EPHA6: variants seen among roughly 807,000 people sequenced by gnomAD.
EPHA6 encodes ephrin type-A receptor 6.
EPHA6 carries 50 observed loss-of-function variants against 112.0 expected under a neutral mutation model. The ratio of observed to expected loss-of-function variants is 0.45; its 90% CI spans 0.36 to 0.56. The LOEUF is 0.56. Among genes scored for constraint, EPHA6 ranks in the 20% least tolerant of loss-of-function variants. The probability of loss-of-function intolerance (pLI) is 0.00; values close to 1 mark genes in which losing one functional copy is unlikely to be tolerated. For synonymous variants in EPHA6, 529 were observed against 490.7 expected (o/e 1.08, Z -1.03); for missense variants, 1,280 against 1,417.4 (o/e 0.90, Z 1.56).
At chr3:96,932,303 TG>T (rs1476298779) in intron 2 of EPHA6, among the ~76,000 whole-genome samples, 2 of 152,220 alleles carry the variant, frequency 1.3e-5, no homozygotes, top group Non-Finnish European at 2.9e-5. Context: ...TTGGCCATCT[TG>T]GCCCCTCCAT....
intron 3 of EPHA6, among the ~76,000 whole-genome samples, chr3:97,018,590 T>C (rs576468722): frequency 5.8e-4 from 88 of 152,308 alleles, no homozygotes; most frequent in African/African-American, 2.1e-3. Flanking sequence ...CTTACACCAT[T>C]ATTAGAGACT....
intron 3 of EPHA6, among the ~76,000 whole-genome samples, chr3:97,065,337 A>AT (rs2046144716): frequency 6.6e-6 from 1 of 152,178 alleles, no homozygotes; most frequent in Admixed American, 6.5e-5. Flanking sequence ...AGTAGAGTCC[A>AT]TGAAATATGC....
intron 1 of EPHA6, among the ~76,000 whole-genome samples, chr3:96,859,410 C>T (rs1407995959): frequency 7.0e-6 from 1 of 142,976 alleles, no homozygotes; most frequent in Non-Finnish European, 1.5e-5. Flanking sequence ...GAGACAGGGT[C>T]TTGTTCTGTC....
At chr3:97,509,580 T>A (rs2092326857) in intron 10 of EPHA6, among the ~76,000 whole-genome samples, 1 of 152,214 alleles carries the variant, frequency 6.6e-6, no homozygotes, top group South Asian at 2.1e-4. Flanking sequence ...GGCTTCCCTT[T>A]GTGGGTAGCC....
intron 11 of EPHA6, among the ~76,000 whole-genome samples, chr3:97,542,315 A>G (rs1021918844): frequency 2.1e-4 from 32 of 151,938 alleles, no homozygotes; most frequent in Non-Finnish European, 4.3e-4. Context: ...TCATTGTTCA[A>G]TTCCCACCTA....
intron 4 of EPHA6, among the ~76,000 whole-genome samples, chr3:97,235,753 G>A (rs1405106549): frequency 6.6e-6 from 1 of 151,910 alleles, no homozygotes; most frequent in Admixed American, 6.6e-5. Flanking sequence ...GACATCCAAG[G>A]TTCAGGCTTG....
intron 10 of EPHA6, among the ~76,000 whole-genome samples, chr3:97,521,546 T>G (rs1332780611): frequency 6.6e-6 from 1 of 152,050 alleles, no homozygotes; most frequent in African/African-American, 2.4e-5. Flanking sequence ...AACCATCAGA[T>G]CTCATGAGAA....
chr3:97,192,983 G>A (rs1420454786), intron 3 of EPHA6, among the ~76,000 whole-genome samples: 1 of 152,068 alleles, frequency 6.6e-6, no homozygotes, highest in East Asian at 1.9e-4. Context: ...TCTCTATTCT[G>A]TTCCACTGGT....
At chr3:97,506,155 T>G (rs1577605846) in intron 10 of EPHA6, among the ~76,000 whole-genome samples, 3 of 152,316 alleles carry the variant, frequency 2.0e-5, no homozygotes, top group Middle Eastern at 6.8e-3. Context: ...CTGATGATAG[T>G]TTCTTTGCTG....
At chr3:97,608,092 A>C (rs182804383) in intron 12 of EPHA6, among the ~76,000 whole-genome samples, 1 of 151,188 alleles carries the variant, frequency 6.6e-6, no homozygotes, top group Non-Finnish European at 1.5e-5. Flanking sequence ...CAATAGTAAA[A>C]AAAAAAAAAA....
At chr3:97,480,966 G>A (rs549227277) in intron 9 of EPHA6, among the ~76,000 whole-genome samples, 1 of 151,854 alleles carries the variant, frequency 6.6e-6, no homozygotes, top group Admixed American at 6.6e-5. Flanking sequence ...ATGGCGGCCG[G>A]GAAGAGGCGC....
intron 2 of EPHA6, among the ~76,000 whole-genome samples, chr3:96,938,797 T>A (rs2040757700): frequency 1.3e-5 from 2 of 152,126 alleles, no homozygotes; most frequent in African/African-American, 4.8e-5. Flanking sequence ...ATACCTAATT[T>A]ATTGAGAGTT....
At chr3:97,290,145 A>T (rs903601780) in intron 5 of EPHA6, among the ~76,000 whole-genome samples, 1 of 152,116 alleles carries the variant, frequency 6.6e-6, no homozygotes, top group South Asian at 2.1e-4. Context: ...AGATTTTGGT[A>T]TGATGGGTCC....
intron 2 of EPHA6, among the ~76,000 whole-genome samples, chr3:96,962,861 G>A (rs147113860): frequency 5.7e-4 from 86 of 152,054 alleles, no homozygotes; most frequent in African/African-American, 2.0e-3. Context: ...CAAATGAAAA[G>A]GAGGGAGCAT....
At position 97,716,291 on chromosome 3, in the gene EPHA6, G is replaced by A. The variant is rs1259020050; in HGVS notation, c.2785-3970G>A. On this transcript the variant is annotated intron_variant, in intron 14 of 17. Coordinates refer to ENST00000389672, the MANE Select transcript of EPHA6 (RefSeq NM_001080448.3). ...AAAAAGGAAAAAGAAAAGATGGGCC[G>A]GGCGCGGTGGCTCACGCCTGTAATC... Among the ~76,000 whole-genome samples the A allele has an allele frequency of 2.1e-4, 26 of 125,322 alleles. 6 individuals carry two copies. Among genetic ancestry groups the A allele is most frequent in the African/African-American group, 1.2e-3 (22 of 19,110 alleles). The allele number at this position is 125,322 out of a possible 152,430, so 82.2% of individuals were successfully genotyped here. A position where few individuals can be genotyped will look rare whatever the true frequency, so the allele number is the denominator to read the frequency against.
intron 3 of EPHA6, among the ~76,000 whole-genome samples, chr3:97,192,479 A>G (rs2077333510): frequency 6.6e-6 from 1 of 151,916 alleles, no homozygotes; most frequent in African/African-American, 2.4e-5. Context: ...GGGTTATCAG[A>G]TTTTCTCCTG....
At chr3:97,369,640 C>G (rs1025661718) in intron 5 of EPHA6, among the ~76,000 whole-genome samples, 1 of 152,060 alleles carries the variant, frequency 6.6e-6, no homozygotes, top group South Asian at 2.1e-4. Context: ...TCCTTGCTCA[C>G]GGGACTTCCC....
intron 10 of EPHA6, among the ~76,000 whole-genome samples, chr3:97,487,089 C>T (rs1225259608): frequency 2.0e-5 from 3 of 152,026 alleles, no homozygotes; most frequent in Non-Finnish European, 4.4e-5. Context: ...ATGAGAGAGG[C>T]CAGATATCAG....
chr3:97,642,766 T>G (rs1404234045), intron 14 of EPHA6, among the ~76,000 whole-genome samples: 9 of 151,692 alleles, frequency 5.9e-5, no homozygotes, highest in Admixed American at 1.3e-4. Context: ...AATGAGCAAA[T>G]CCTCCAAGAA....
Sources: gnomAD v4.1 joint callset for allele counts (sites outside exome capture counted in the v4.1 genomes callset) on GRCh38, gnomAD v4.1.1 for gene constraint, MANE v1.5 for transcripts, NCBI Gene and HGNC (gene_info 2026-07-23, HGNC 2026-07-21) for gene names.